Variants in PLCG2 observed in about 807,000 individuals in gnomAD.
PLCG2 encodes the protein 1-phosphatidylinositol 4,5-bisphosphate phosphodiesterase gamma-2.
A neutral mutation model predicts 175.6 loss-of-function variants in PLCG2; 69 were observed. The observed-to-expected ratio is 0.39, with a 90% CI of 0.32 to 0.48. The LOEUF (loss-of-function observed/expected upper bound fraction) is 0.48. Among genes scored for constraint, PLCG2 ranks in the 20% least tolerant of loss-of-function variants. PLCG2 has a pLI of 0.91. For missense variants in PLCG2, 1,798 were observed against 1,650.9 expected, an observed-to-expected ratio of 1.09 and a Z score of -1.54; for synonymous variants, 827 against 624.0, an observed-to-expected ratio of 1.33 and a Z score of -4.85.
At chr16:81,785,922 T>G (rs1319540157) in intron 1 of PLCG2, 21 bp from the exon 2 acceptor site, 1 of 1,444,738 alleles carries the variant, frequency 6.9e-7, no homozygotes, top group African/African-American at 1.4e-5. Context: ...ATCAGTTCAC[T>G]CTTTAATTCT....
At chr16:81,852,555 C>A (rs1217708166) in intron 2 of PLCG2, among the ~76,000 whole-genome samples, 2 of 152,056 alleles carry the variant, frequency 1.3e-5, no homozygotes, top group African/African-American at 4.8e-5. Flanking sequence ...GGAGGAGTCA[C>A]CTTTGAGTCA....
chr16:81,835,488 A>G (rs1364584998), intron 2 of PLCG2, among the ~76,000 whole-genome samples: 1 of 152,028 alleles, frequency 6.6e-6, no homozygotes, highest in African/African-American at 2.4e-5. Flanking sequence ...CTGAGGTATG[A>G]GAATCGCTTA....
At chr16:81,762,300 G>A (rs990923986) in intron 2 of PLCG2, among the ~76,000 whole-genome samples, 6 of 152,090 alleles carry the variant, frequency 3.9e-5, no homozygotes, top group African/African-American at 1.4e-4. Flanking sequence ...TGGGCATGGT[G>A]GCTCACGCCT....
At chr16:81,751,743 C>T (rs575614438) in intron 1 of PLCG2, among the ~76,000 whole-genome samples, 8 of 151,908 alleles carry the variant, frequency 5.3e-5, no homozygotes, top group Middle Eastern at 3.4e-3. Context: ...TAAAAGAGTC[C>T]GGGTGCAGTG....
intron 19 of PLCG2, among the ~76,000 whole-genome samples, chr16:81,915,632 G>C (rs1597129534): frequency 6.6e-6 from 1 of 152,302 alleles, no homozygotes; most frequent in East Asian, 1.9e-4. Flanking sequence ...TGTGCCGACA[G>C]CTTACCCTGA....
In PLCG2 at chr16:81,870,848, A is replaced by C; in HGVS notation, c.565-4A>C. The C allele has an allele frequency of 6.5e-7, 1 of 1,549,660 alleles. No homozygotes were observed. Among genetic ancestry groups the C allele is most frequent in the Non-Finnish European group, 8.8e-7 (1 of 1,134,120 alleles). On this transcript the variant is annotated splice_region_variant and splice_polypyrimidine_tract_variant and intron_variant, in intron 6 of 32. Transcript: ENST00000564138. ...TCATGTGGTCACTTTTTTCATATTT[A>C]CAGGAAATAGGAGCACACAAAGATG... is the stretch of plus-strand genomic sequence containing the variant.
At chr16:81,833,709 T>TA (rs1194040309) in intron 2 of PLCG2, among the ~76,000 whole-genome samples, 3 of 151,528 alleles carry the variant, frequency 2.0e-5, no homozygotes, top group Admixed American at 6.6e-5. Flanking sequence ...ATTATATATA[T>TA]TTTTTTGTAG....
chr16:81,824,697 C>G lies in PLCG2; in HGVS notation c.194-29747C>G, dbSNP rs143731879. 2.3e-3 allele frequency among the ~76,000 whole-genome samples: 356 copies of G among 152,348 alleles called. 1 individual carries two copies. The highest frequency in any genetic ancestry group is 8.3e-3 in the African/African-American group (345 of 41,580). On this transcript the variant is annotated intron_variant, in intron 2 of 32. Coordinates refer to ENST00000564138, the MANE Select transcript of PLCG2 (RefSeq NM_002661.5). ...CAGGATGGCTGGGATCCTCTCGTAG[C>G]TGCCATGTGACCTCTGGCCTTTTTG...
At chr16:81,957,436 C>G (rs993538197) in intron 32 of PLCG2, among the ~76,000 whole-genome samples, 6 of 152,142 alleles carry the variant, frequency 3.9e-5, no homozygotes, top group Non-Finnish European at 4.4e-5. Flanking sequence ...TAGAAGGACA[C>G]TTCAATTTAA....
intron 31 of PLCG2, among the ~76,000 whole-genome samples, chr16:81,948,783 G>A (rs1427827157): frequency 1.3e-5 from 2 of 152,152 alleles, no homozygotes; most frequent in Non-Finnish European, 2.9e-5. Flanking sequence ...AAACTGCTGT[G>A]TTTAACATCC....
At chr16:81,914,458 G>A (rs181487860) in intron 19 of PLCG2, among the ~76,000 whole-genome samples, 6 of 152,230 alleles carry the variant, frequency 3.9e-5, no homozygotes, top group African/African-American at 9.6e-5. Context: ...ATGGGACCGC[G>A]TGAATGAAGA....
In PLCG2 at chr16:81,958,078, C is replaced by G; in HGVS notation, c.*80C>G. On this transcript the variant is annotated 3_prime_UTR_variant, in exon 33 of 33. Transcript: ENST00000564138. ...TAGGAGAACGTGCCCTATTCACACT[C>G]TGGGAAGACGCTAATCTGTGACATC... 1 of 978,418 alleles carries G rather than the reference C, an allele frequency of 1.0e-6. No homozygotes were observed. Among genetic ancestry groups the G allele is most frequent in the South Asian group, 1.3e-5 (1 of 76,156 alleles). The allele number at this position is 978,418 out of a possible 1,614,324, so 60.6% of individuals were successfully genotyped here.
chr16:81,791,640 C>G (rs1911235791), intron 2 of PLCG2, among the ~76,000 whole-genome samples: 1 of 152,208 alleles, frequency 6.6e-6, no homozygotes, highest in South Asian at 2.1e-4. Context: ...CCTCGGCTCA[C>G]TGCAACCTTT....
intron 29 of PLCG2, 108 bp downstream of exon 29, chr16:81,939,023 T>G: frequency 1.5e-6 from 1 of 672,302 alleles, no homozygotes; most frequent in South Asian, 1.8e-5. Flanking sequence ...TGTCCCAGGG[T>G]TTTCTTTCCT....
intron 18 of PLCG2, among the ~76,000 whole-genome samples, 169 bp from the exon 19 acceptor site, chr16:81,912,428 C>T (rs1909667360): frequency 6.6e-6 from 1 of 152,226 alleles, no homozygotes; most frequent in Non-Finnish European, 1.5e-5. Flanking sequence ...TTCACAAATT[C>T]TCTTTGCTGA....
intron 10 of PLCG2, among the ~76,000 whole-genome samples, chr16:81,890,110 G>A (rs540582534): frequency 6.6e-6 from 1 of 152,220 alleles, no homozygotes; most frequent in South Asian, 2.1e-4. Flanking sequence ...GCGAACGCCC[G>A]AAAAGACGTC....
At chr16:81,916,885 T>A (rs67150050) in intron 19 of PLCG2, among the ~76,000 whole-genome samples, 3 of 151,942 alleles carry the variant, frequency 2.0e-5, no homozygotes, top group East Asian at 1.9e-4. Context: ...TGATCCACCC[T>A]CCTTGGCCTC....
chr16:81,755,147 G>A (rs1042705056), intron 1 of PLCG2, among the ~76,000 whole-genome samples: 1 of 152,062 alleles, frequency 6.6e-6, no homozygotes, highest in Non-Finnish European at 1.5e-5. Context: ...CTGAGAGGTG[G>A]CTGACAATGG....
intron 22 of PLCG2, 65 bp downstream of exon 22, chr16:81,923,659 G>A (rs1910145475): frequency 7.1e-6 from 7 of 984,958 alleles, no homozygotes; most frequent in Non-Finnish European, 1.1e-5. Context: ...TTGGTGATAA[G>A]ACTCAGGTGC....
Sources: gnomAD v4.1 joint callset for allele counts (sites outside exome capture counted in the v4.1 genomes callset) on GRCh38, gnomAD v4.1.1 for gene constraint, MANE v1.5 for transcripts, NCBI Gene and HGNC (gene_info 2026-07-23, HGNC 2026-07-21) for gene names.